SLC36A1: variants seen among roughly 807,000 people sequenced by gnomAD.
SLC36A1 encodes solute carrier family 36 member 1.
In SLC36A1, 30 loss-of-function variants were observed where a neutral mutation model predicts 47.5. The observed-to-expected ratio is 0.63, with a 90% CI of 0.47 to 0.86. The LOEUF is 0.86. SLC36A1 is among the 40% of genes least tolerant of loss of function. The pLI is 0.00. For missense variants in SLC36A1, 517 were observed against 606.0 expected (o/e 0.85, Z 1.54); for synonymous variants, 255 against 249.7 (o/e 1.02, Z -0.20).
chr5:151,540,895 AAC>A, the SLC36A1 span: 7 of 781,042 alleles, frequency 9.0e-6, no homozygotes, highest in Admixed American at 5.8e-5. Flanking sequence ...CTTAACTAGG[AAC>A]CCACGATTCT....
the SLC36A1 span, among the ~76,000 whole-genome samples, chr5:151,361,171 G>A: frequency 5.3e-5 from 8 of 152,128 alleles, no homozygotes; most frequent in Non-Finnish European, 1.2e-4. Flanking sequence ...TATTCTATCA[G>A]CACTCTCTTC....
At chr5:151,412,021 A>G in the SLC36A1 span, among the ~76,000 whole-genome samples, 14 of 144,850 alleles carry the variant, frequency 9.7e-5, 3 homozygotes, top group African/African-American at 3.5e-4. Flanking sequence ...TTAGTCTATG[A>G]ATGCTTAAAA....
intron 1 of SLC36A1, among the ~76,000 whole-genome samples, chr5:151,454,443 A>G (rs1754166604): frequency 6.6e-6 from 1 of 152,146 alleles, no homozygotes; most frequent in African/African-American, 2.4e-5. Flanking sequence ...AGCCATAGAA[A>G]GAACTCCGGG....
At chr5:151,542,724 T>C in the SLC36A1 span, 5 of 1,614,252 alleles carry the variant, frequency 3.1e-6, no homozygotes, top group Admixed American at 5.0e-5. Context: ...CAGCCTTATA[T>C]GGATCAGCCT....
At chr5:151,355,074 A>T in the SLC36A1 span, among the ~76,000 whole-genome samples, 4 of 152,184 alleles carry the variant, frequency 2.6e-5, no homozygotes, top group Non-Finnish European at 5.9e-5. Flanking sequence ...ACCAGCAAAA[A>T]GTCTGGCTGC....
chr5:151,420,552 G>A, the SLC36A1 span, among the ~76,000 whole-genome samples: 1 of 152,150 alleles, frequency 6.6e-6, no homozygotes, highest in Admixed American at 6.5e-5. Context: ...TACCAGGAGC[G>A]CAGGAGCTCA....
chr5:151,496,875 C>A (rs1760359371), downstream of SLC36A1, among the ~76,000 whole-genome samples: 1 of 152,116 alleles, frequency 6.6e-6, no homozygotes, highest in Non-Finnish European at 1.5e-5. Context: ...ATTTAATTTT[C>A]TTTGGAGCAA....
At chr5:151,554,530 G>A in the SLC36A1 span, 3 of 1,614,068 alleles carry the variant, frequency 1.9e-6, no homozygotes, top group Non-Finnish European at 2.5e-6. Flanking sequence ...CAGGCCCAGG[G>A]GACACAGGGC....
the SLC36A1 span, chr5:151,506,110 A>C: frequency 2.7e-6 from 4 of 1,502,056 alleles, no homozygotes; most frequent in African/African-American, 5.7e-5. Flanking sequence ...GAAAGGGAAC[A>C]GCAAGATAGG....
chr5:151,354,970 C>T, the SLC36A1 span, among the ~76,000 whole-genome samples: 2 of 152,142 alleles, frequency 1.3e-5, no homozygotes, highest in African/African-American at 4.8e-5. Context: ...GGAAATACAA[C>T]TTGAACATTA....
the SLC36A1 span, among the ~76,000 whole-genome samples, chr5:151,553,545 C>G: frequency 1.3e-5 from 2 of 152,244 alleles, no homozygotes; most frequent in Non-Finnish European, 2.9e-5. Flanking sequence ...TTGCTGTAAA[C>G]AGGCACCCTG....
At position 151,464,586 on chromosome 5, in the gene SLC36A1, C is replaced by T. The variant is rs372983002; in HGVS notation, c.307C>T (p.His103Tyr). Residue 103 changes from histidine to tyrosine, a missense_variant, in exon 4 of 11, where the codon CAC (histidine) becomes TAC (tyrosine). By Grantham distance (83) the His-to-Tyr change is moderately conservative. Coordinates refer to ENST00000243389, the MANE Select transcript of SLC36A1 (RefSeq NM_078483.4). ...CATGGGTATCCTGGTGAAATGTGCT[C>T]ACCACTTCTGCCGCAGGTGAGAGCC... ...HCMGILVKCA[H>Y]HFCRRLNKSF... 57 of 1,614,008 alleles carry T rather than the reference C, an allele frequency of 3.5e-5. No homozygotes were observed. Among genetic ancestry groups the T allele is most frequent in the South Asian group, 1.2e-4 (11 of 91,084 alleles).
At chr5:151,532,170 CT>C in the SLC36A1 span, among the ~76,000 whole-genome samples, 1 of 152,162 alleles carries the variant, frequency 6.6e-6, no homozygotes, top group Non-Finnish European at 1.5e-5. Flanking sequence ...CACTAAAATG[CT>C]TTTGGGGGAA....
intron 1 of SLC36A1, among the ~76,000 whole-genome samples, chr5:151,441,349 T>C (rs889308865): frequency 2.6e-5 from 4 of 152,200 alleles, no homozygotes; most frequent in African/African-American, 9.6e-5. Context: ...AAGTTTTTAA[T>C]AGTATGTGCT....
rs550115162 is a variant in SLC36A1 at position 151,480,294 on chromosome 5, CT to C, written c.1159+810del. 2.4e-3 allele frequency: 1,043 copies of C among 433,294 alleles called. 5 individuals are homozygous for C. Among genetic ancestry groups the C allele is most frequent in the Middle Eastern group, 0.012 (20 of 1,688 alleles). 26.8% of individuals were successfully genotyped at this position (433,294 alleles called of 1,614,324 possible). On this transcript the variant is annotated intron_variant, in intron 10 of 10. Coordinates refer to ENST00000243389, the MANE Select transcript of SLC36A1 (RefSeq NM_078483.4). ...TTGGCTCTATTTGGCTTTTTTTTCT[CT>C]TTTTAGGTTTTATTATTTTTGAACA... is the stretch of plus-strand genomic sequence containing the variant.
the SLC36A1 span, among the ~76,000 whole-genome samples, chr5:151,552,994 G>A: frequency 5.3e-5 from 8 of 152,346 alleles, no homozygotes; most frequent in Admixed American, 2.0e-4. Flanking sequence ...TGGCAGACGT[G>A]GCATTCTTAC....
At chr5:151,374,864 A>G in the SLC36A1 span, among the ~76,000 whole-genome samples, 5 of 149,248 alleles carry the variant, frequency 3.4e-5, no homozygotes, top group Admixed American at 2.7e-4. Flanking sequence ...AGAAATGTCT[A>G]CATATGTCAT....
At chr5:151,383,438 C>T in the SLC36A1 span, among the ~76,000 whole-genome samples, 1 of 152,070 alleles carries the variant, frequency 6.6e-6, no homozygotes, top group Non-Finnish European at 1.5e-5. Flanking sequence ...GTGATGAGTA[C>T]TACTCTAGGA....
the SLC36A1 span, among the ~76,000 whole-genome samples, chr5:151,432,018 G>C: frequency 1.9e-3 from 282 of 152,238 alleles, 1 homozygote; most frequent in African/African-American, 6.7e-3. Flanking sequence ...TGAATGGATG[G>C]ATAAATGGGC....
Sources: allele counts gnomAD v4.1 joint callset (sites outside exome capture counted in the v4.1 genomes callset), GRCh38; gene constraint gnomAD v4.1.1; transcripts MANE v1.5; gene names NCBI Gene and HGNC (gene_info 2026-07-23, HGNC 2026-07-21).